The following SMOC1 variants were observed in gnomAD, a reference collection of about 807,000 sequenced individuals.
SMOC1 encodes the protein SPARC-related modular calcium-binding protein 1.
A neutral mutation model predicts 56.3 loss-of-function variants in SMOC1; 22 were observed. The ratio of observed to expected loss-of-function variants is 0.39; its 90% CI spans 0.28 to 0.56. The LOEUF (loss-of-function observed/expected upper bound fraction) is 0.56. Among genes scored for constraint, SMOC1 ranks in the 20% least tolerant of loss-of-function variants. SMOC1 has a pLI of 0.61. For missense variants in SMOC1, 509 were observed against 565.4 expected, an observed-to-expected ratio of 0.90 and a Z score of 1.01; for synonymous variants, 193 against 215.0, an observed-to-expected ratio of 0.90 and a Z score of 0.89.
At chr14:69,930,244 C>A (rs1377221846) in intron 1 of SMOC1, among the ~76,000 whole-genome samples, 1 of 152,160 alleles carries the variant, frequency 6.6e-6, no homozygotes, top group Non-Finnish European at 1.5e-5. Flanking sequence ...ACCTCTGCAC[C>A]TCTCCAGCCA....
chr14:69,995,263 ACAAT>A (rs1243006083), intron 7 of SMOC1, among the ~76,000 whole-genome samples: 1 of 152,204 alleles, frequency 6.6e-6, no homozygotes, highest in East Asian at 1.9e-4. Context: ...ATTTTACATG[ACAAT>A]CAATTAATGA....
intron 1 of SMOC1, among the ~76,000 whole-genome samples, chr14:69,900,060 C>T (rs1884202804): frequency 1.3e-5 from 2 of 152,206 alleles, no homozygotes; most frequent in African/African-American, 4.8e-5. Flanking sequence ...TCTATTCACT[C>T]CAGACACACA....
chr14:69,904,207 T>G (rs1884346371), intron 1 of SMOC1, among the ~76,000 whole-genome samples: 1 of 152,244 alleles, frequency 6.6e-6, no homozygotes, highest in Non-Finnish European at 1.5e-5. Context: ...GATTTTATTT[T>G]CTGTCATTCA....
At chr14:69,883,889 ATTTTTT>A (rs34300667) in intron 1 of SMOC1, among the ~76,000 whole-genome samples, 7 of 66,644 alleles carry the variant, frequency 1.1e-4, no homozygotes, top group East Asian at 5.5e-4. Flanking sequence ...GATGTTGAGC[ATTTTTT>A]TTTTTTTTTT....
At chr14:69,969,105 G>A (rs1423664625) in intron 3 of SMOC1, among the ~76,000 whole-genome samples, 1 of 152,198 alleles carries the variant, frequency 6.6e-6, no homozygotes, top group East Asian at 1.9e-4. Context: ...CTGCAAAAAA[G>A]TAGGATGGGA....
At chr14:69,882,609 G>A (rs536655209) in intron 1 of SMOC1, among the ~76,000 whole-genome samples, 1 of 152,280 alleles carries the variant, frequency 6.6e-6, no homozygotes, top group South Asian at 2.1e-4. Flanking sequence ...GGAGGCAGCC[G>A]TTTCTTTAAT....
rs564338062 is a variant in SMOC1 at position 69,885,876 on chromosome 14, G to A, written c.99+6099G>A. The A allele has an allele frequency of 3.2e-5, 51 of 1,601,060 alleles. No homozygotes were observed. The East Asian group carries it at 5.1e-4, about 16-fold the overall frequency. On this transcript the variant is annotated intron_variant, in intron 1 of 11. Coordinates refer to ENST00000361956, the MANE Select transcript of SMOC1 (RefSeq NM_001034852.3). Reference sequence around the variant, plus strand: ...TTAAGCAGCTGAGTAGCTGTTTGGCGGTCCAGGGCCTGGGTGAACTGGTTA... The same window carrying A: ...TTAAGCAGCTGAGTAGCTGTTTGGCAGTCCAGGGCCTGGGTGAACTGGTTA...
At chr14:69,898,459 A>T (rs546587709) in intron 1 of SMOC1, among the ~76,000 whole-genome samples, 22 of 150,642 alleles carry the variant, frequency 1.5e-4, no homozygotes, top group African/African-American at 4.1e-4. Flanking sequence ...TGTATATTCA[A>T]TTCTGTTTTT....
chr14:69,953,278 C>G, intron 2 of SMOC1, 142 bp from the exon 3 acceptor site: 1 of 746,262 alleles, frequency 1.3e-6, no homozygotes, highest in South Asian at 1.5e-5. Context: ...CAGTTACTAG[C>G]CACGGCCCTT....
At chr14:69,909,115 G>T (rs182722430) in intron 1 of SMOC1, among the ~76,000 whole-genome samples, 2 of 152,080 alleles carry the variant, frequency 1.3e-5, no homozygotes, top group Admixed American at 6.5e-5. Context: ...CAACTATACC[G>T]AAAGAACTCA....
chr14:69,916,162 A>G (rs1037261878), intron 1 of SMOC1, among the ~76,000 whole-genome samples: 2 of 152,198 alleles, frequency 1.3e-5, no homozygotes, highest in Non-Finnish European at 2.9e-5. Context: ...CCTCAACTCA[A>G]TAAATGACAG....
chr14:69,879,655 C>A lies in SMOC1; in HGVS notation c.-24C>A, dbSNP rs763951992. On this transcript the variant is annotated 5_prime_UTR_variant, in exon 1 of 12. Transcript: ENST00000361956. Reference sequence around the variant, plus strand: ...GGAGCCCGCGAACCCCGCTCGCTGCCGGCTGCCCAGCCTGGCTGGCACCAT... The same window carrying A: ...GGAGCCCGCGAACCCCGCTCGCTGCAGGCTGCCCAGCCTGGCTGGCACCAT... 6.8e-7 allele frequency: 1 copy of A among 1,479,530 alleles called. No homozygotes were observed. The highest frequency in any genetic ancestry group is 8.9e-7 in the Non-Finnish European group (1 of 1,122,118). The allele number at this position is 1,479,530 out of a possible 1,614,324, so 91.7% of individuals were successfully genotyped here. A position where few individuals can be genotyped will look rare whatever the true frequency, so the allele number is the denominator to read the frequency against.
At chr14:69,994,276 G>A (rs1214328337) in intron 6 of SMOC1, 124 bp from the exon 7 acceptor site, 1 of 811,032 alleles carries the variant, frequency 1.2e-6, no homozygotes, top group Admixed American at 1.7e-5. Flanking sequence ...AGTGGATGTG[G>A]GAGAGAGCTG....
intron 1 of SMOC1, among the ~76,000 whole-genome samples, chr14:69,928,974 G>A (rs992928579): frequency 6.6e-6 from 1 of 152,168 alleles, no homozygotes; most frequent in Non-Finnish European, 1.5e-5. Flanking sequence ...ATGACCATCT[G>A]GAAGTCTCTG....
chr14:69,891,729 T>C (rs8005074), intron 1 of SMOC1, among the ~76,000 whole-genome samples: 7,818 of 152,256 alleles, frequency 0.051, 587 homozygotes, highest in African/African-American at 0.16. Context: ...ATGAATGAGG[T>C]TCTTCTTCAT....
At chr14:69,997,218 T>C (rs1346965489) in intron 7 of SMOC1, among the ~76,000 whole-genome samples, 1 of 152,212 alleles carries the variant, frequency 6.6e-6, no homozygotes, top group African/African-American at 2.4e-5. Flanking sequence ...CAGGTAAGCC[T>C]GCATCAGCAC....
chr14:69,889,938 A>T (rs1883916670), intron 1 of SMOC1, among the ~76,000 whole-genome samples: 1 of 152,096 alleles, frequency 6.6e-6, no homozygotes, highest in East Asian at 1.9e-4. Context: ...GACTCTTGTG[A>T]TTACACTGGG....
At chr14:69,978,565 T>A (rs911337196) in intron 5 of SMOC1, among the ~76,000 whole-genome samples, 5 of 152,200 alleles carry the variant, frequency 3.3e-5, no homozygotes, top group African/African-American at 7.2e-5. Flanking sequence ...TGCTGAACCT[T>A]GTCACCTCAT....
intron 1 of SMOC1, among the ~76,000 whole-genome samples, chr14:69,937,840 G>A (rs1221101658): frequency 6.6e-6 from 1 of 152,134 alleles, no homozygotes; most frequent in Non-Finnish European, 1.5e-5. Flanking sequence ...CAGTACAGCA[G>A]GATCTCAAAT....
Sources: allele counts gnomAD v4.1 joint callset (sites outside exome capture counted in the v4.1 genomes callset), GRCh38; gene constraint gnomAD v4.1.1; transcripts MANE v1.5; gene names NCBI Gene and HGNC (gene_info 2026-07-23, HGNC 2026-07-21).